CYP39A1: variants seen among roughly 807,000 people sequenced by gnomAD.
The protein encoded by CYP39A1 is cytochrome P450 family 39 subfamily A member 1, also known as 24-hydroxycholesterol 7-alpha-hydroxylase.
CYP39A1 carries 49 observed loss-of-function variants against 58.1 expected under a neutral mutation model. The ratio of observed to expected loss-of-function variants is 0.84; its 90% CI spans 0.67 to 1.07. The LOEUF (loss-of-function observed/expected upper bound fraction) is 1.07, where lower values mean the gene tolerates loss of function less well. Among genes scored for constraint, CYP39A1 ranks in the 50% least tolerant of loss-of-function variants. CYP39A1 has a pLI of 0.00. For missense variants in CYP39A1, 531 were observed against 539.4 expected (o/e 0.98, Z 0.16); for synonymous variants, 209 against 187.6 (o/e 1.11, Z -0.93).
In CYP39A1 at chr6:46,639,585, G is replaced by A. The variant is rs761452307; in HGVS notation, c.397C>T (p.His133Tyr). The A allele has an allele frequency of 6.8e-6, 11 of 1,613,790 alleles. No homozygotes were observed. The South Asian group carries it at 1.2e-4, about 18-fold the overall frequency. Residue 133 changes from histidine to tyrosine, a missense_variant, in exon 3 of 12, where the codon CAT becomes TAT. By Grantham distance (83) the His-to-Tyr change is moderately conservative. Transcript: ENST00000275016. ...TCAGTCAGTTGCCCAGTAAACTGAT[G>A]GAGATTGACAGTCCCCATTTTCCCT... ...LKGKMGTVNL[H>Y]QFTGQLTEEL...
chr6:46,580,000 A>C (rs1772037663), intron 10 of CYP39A1, among the ~76,000 whole-genome samples: 1 of 152,178 alleles, frequency 6.6e-6, no homozygotes, highest in Admixed American at 6.5e-5. Context: ...ATTGGAAAAA[A>C]CTATTCTAAA....
chr6:46,597,743 G>A (rs549985338), intron 7 of CYP39A1, among the ~76,000 whole-genome samples: 2 of 152,186 alleles, frequency 1.3e-5, no homozygotes, highest in Admixed American at 6.6e-5. Flanking sequence ...TACTACAGAC[G>A]ATCCTAAATG....
intron 7 of CYP39A1, among the ~76,000 whole-genome samples, chr6:46,618,962 T>C (rs1582413939): frequency 6.6e-6 from 1 of 152,184 alleles, no homozygotes; most frequent in East Asian, 1.9e-4. Flanking sequence ...TCTGCCTTAA[T>C]CATCTCAGGG....
chr6:46,558,256 G>GA (rs898620917), intron 10 of CYP39A1, among the ~76,000 whole-genome samples: 14 of 150,864 alleles, frequency 9.3e-5, no homozygotes, highest in East Asian at 1.9e-4. Flanking sequence ...GGGAATTTAT[G>GA]AAAAAAAAAG....
rs1203874478 is a variant in CYP39A1 at position 46,633,892 on chromosome 6, A to G, written c.732+2497T>C. Among the ~76,000 whole-genome samples the G allele has an allele frequency of 2.6e-5, 4 of 152,300 alleles. No homozygotes were observed. The East Asian group carries it at 7.7e-4, about 29-fold the overall frequency. On this transcript the variant is annotated intron_variant, in intron 5 of 11. Transcript: ENST00000275016. ...AAAAAATGCCACTGCCACACAAAAC[A>G]CACAAACACACAAGCTCAGTGTGAA...
At chr6:46,612,329 T>G (rs1045763207) in intron 7 of CYP39A1, among the ~76,000 whole-genome samples, 5 of 152,188 alleles carry the variant, frequency 3.3e-5, no homozygotes, top group African/African-American at 9.7e-5. Flanking sequence ...ATGGCTAGGT[T>G]AGTAGATAGG....
At chr6:46,572,187 TA>T (rs34785819) in intron 10 of CYP39A1, among the ~76,000 whole-genome samples, 59,768 of 151,922 alleles carry the variant, frequency 0.39, 14,745 homozygotes, top group African/African-American at 0.7. Context: ...TTTCGGGAGT[TA>T]AAAACATATT....
At chr6:46,555,877 C>G (rs910969951) in intron 10 of CYP39A1, among the ~76,000 whole-genome samples, 2 of 152,110 alleles carry the variant, frequency 1.3e-5, no homozygotes, top group Non-Finnish European at 2.9e-5. Context: ...ATCAATTATT[C>G]AGTAATATTT....
intron 5 of CYP39A1, among the ~76,000 whole-genome samples, chr6:46,635,322 G>A (rs567234189): frequency 6.6e-6 from 1 of 152,248 alleles, no homozygotes; most frequent in East Asian, 1.9e-4. Context: ...CTGAGGCCAA[G>A]AGACTAGGTA....
intron 2 of CYP39A1, among the ~76,000 whole-genome samples, chr6:46,640,152 G>A (rs667078): frequency 0.76 from 116,015 of 152,160 alleles, 44,375 homozygotes; most frequent in Admixed American, 0.82. Context: ...TCTGTGAGAT[G>A]ATGGAAATCT....
At chr6:46,574,178 C>T (rs1189201024) in intron 10 of CYP39A1, among the ~76,000 whole-genome samples, 2 of 152,162 alleles carry the variant, frequency 1.3e-5, no homozygotes, top group Non-Finnish European at 2.9e-5. Flanking sequence ...CTTTTCTAGT[C>T]TCAAAATAGC....
rs772014743 is a variant in CYP39A1 at position 46,642,333 on chromosome 6, C to A, written c.178-35G>T. 8.8e-6 allele frequency: 14 copies of A among 1,586,082 alleles called. No homozygotes were observed. The East Asian group carries it at 3.2e-4, about 36-fold the overall frequency. On this transcript the variant is annotated intron_variant, in intron 1 of 11. Transcript: ENST00000275016. ...AACAAACATAGATTATATTAGTAAG[C>A]ATTCCTAAGCCATGTTTAAGACCAT...
At chr6:46,625,674 A>C (rs879025881) in intron 6 of CYP39A1, among the ~76,000 whole-genome samples, 166 bp from the exon 7 acceptor site, 1 of 152,078 alleles carries the variant, frequency 6.6e-6, no homozygotes, top group African/African-American at 2.4e-5. Flanking sequence ...TATTATTAAT[A>C]AGAGATATGT....
At chr6:46,606,661 G>A (rs1773863087) in intron 7 of CYP39A1, among the ~76,000 whole-genome samples, 1 of 152,088 alleles carries the variant, frequency 6.6e-6, no homozygotes, top group Admixed American at 6.5e-5. Flanking sequence ...CATGATGAAG[G>A]CAAACCTTAG....
chr6:46,650,656 A>G (rs896146467), intron 1 of CYP39A1, among the ~76,000 whole-genome samples: 3 of 147,192 alleles, frequency 2.0e-5, no homozygotes, highest in Non-Finnish European at 4.5e-5. Flanking sequence ...GGCATGTGCC[A>G]CTGGACCAGA....
At chr6:46,634,890 C>T (rs754033111) in intron 5 of CYP39A1, among the ~76,000 whole-genome samples, 5 of 152,112 alleles carry the variant, frequency 3.3e-5, no homozygotes, top group African/African-American at 7.2e-5. Context: ...AGATCTATCT[C>T]GATACATCTT....
intron 5 of CYP39A1, among the ~76,000 whole-genome samples, chr6:46,632,705 AT>A (rs149592626): frequency 0.033 from 4,959 of 152,240 alleles, 245 homozygotes; most frequent in African/African-American, 0.11. Flanking sequence ...CTGAAACACA[AT>A]AAAGTTAGGG....
At chr6:46,650,839 A>G (rs1176287555) in intron 1 of CYP39A1, among the ~76,000 whole-genome samples, 3 of 152,128 alleles carry the variant, frequency 2.0e-5, no homozygotes, top group Non-Finnish European at 4.4e-5. Context: ...TTTAGTCAGG[A>G]AAGCAATAGA....
chr6:46,584,841 A>G (rs1772369297), intron 10 of CYP39A1, among the ~76,000 whole-genome samples: 1 of 152,156 alleles, frequency 6.6e-6, no homozygotes, highest in Non-Finnish European at 1.5e-5. Flanking sequence ...TTGACCAGAC[A>G]TATCCTTTCT....
Sources: gnomAD v4.1 joint callset for allele counts (sites outside exome capture counted in the v4.1 genomes callset) on GRCh38, gnomAD v4.1.1 for gene constraint, MANE v1.5 for transcripts, NCBI Gene and HGNC (gene_info 2026-07-23, HGNC 2026-07-21) for gene names.